Variants in PCDHGC3 observed in about 807,000 individuals in gnomAD.
The protein encoded by PCDHGC3 is protocadherin gamma subfamily C, 3.
In PCDHGC3, 26 loss-of-function variants were observed where a neutral mutation model predicts 59.2. The observed-to-expected ratio is 0.44, with a 90% confidence interval of 0.32 to 0.61. The LOEUF is 0.61. PCDHGC3 is among the 20% of genes least tolerant of loss of function. The pLI is 0.05. For synonymous variants in PCDHGC3, 487 were observed against 519.7 expected (o/e 0.94, Z 0.86); for missense variants, 1,080 against 1,221.8 (o/e 0.88, Z 1.73).
intron 2 of PCDHGC3, among the ~76,000 whole-genome samples, chr5:141,502,194 T>C (rs1470985683): frequency 2.6e-5 from 4 of 152,212 alleles, no homozygotes; most frequent in Non-Finnish European, 4.4e-5. Flanking sequence ...TACAATAATA[T>C]AGAATCCACC....
At position 141,486,121 on chromosome 5, in the gene PCDHGC3, T is replaced by C. The variant is rs371827617; in HGVS notation, c.2430+7575T>C. 5.6e-6 allele frequency: 9 copies of C among 1,614,086 alleles called. No individual in the cohort carries two copies. The highest frequency in any genetic ancestry group is 2.2e-5 in the South Asian group (2 of 91,082). ...TAGACTTTGAGAGTGAGAATTACTATGAATTTGATGTGCGGGCTCGCGATG... is the reference window on the plus strand; with the variant it reads ...TAGACTTTGAGAGTGAGAATTACTACGAATTTGATGTGCGGGCTCGCGATG... On this transcript the variant is annotated intron_variant, in intron 1 of 3. Coordinates refer to ENST00000308177, the MANE Select transcript of PCDHGC3 (RefSeq NM_002588.4). This position sits in a 1 kb window ranked among gnomAD's most constrained non-coding sequence, Gnocchi z 5.0.
chr5:141,506,266 T>A (rs1397052417), intron 3 of PCDHGC3, among the ~76,000 whole-genome samples: 1 of 151,862 alleles, frequency 6.6e-6, no homozygotes, highest in Non-Finnish European at 1.5e-5. Context: ...CTGGCCAACA[T>A]AGTGAAACCC....
rs2099609528 is a variant in PCDHGC3 at position 141,485,211 on chromosome 5, G to A, written c.2430+6665G>A. 6.2e-7 allele frequency: 1 copy of A among 1,614,126 alleles called. No individual in the cohort carries two copies. The highest frequency in any genetic ancestry group is 8.5e-7 in the Non-Finnish European group (1 of 1,179,980). Reference sequence around the variant, plus strand: ...GTGAGAAGCTGGACAGAAATCTGGCGGTGGGCTACCCTTTTGTTCCTCTTT... The same window carrying A: ...GTGAGAAGCTGGACAGAAATCTGGCAGTGGGCTACCCTTTTGTTCCTCTTT... On this transcript the variant is annotated intron_variant, in intron 1 of 3. Transcript: ENST00000308177. This position sits in a 1 kb window ranked among gnomAD's most constrained non-coding sequence, Gnocchi z 5.7.
intron 2 of PCDHGC3, among the ~76,000 whole-genome samples, chr5:141,502,537 G>A (rs900570745): frequency 2.0e-5 from 3 of 152,042 alleles, no homozygotes; most frequent in Admixed American, 6.6e-5. Context: ...GTTTGTTCGT[G>A]TGGTAAAAAC....
At chr5:141,508,718 G>T (rs2099871076) in intron 3 of PCDHGC3, among the ~76,000 whole-genome samples, 1 of 151,852 alleles carries the variant, frequency 6.6e-6, no homozygotes, top group Non-Finnish European at 1.5e-5. Flanking sequence ...TTTTCTGTGT[G>T]CAGGGAGACT....
intron 1 of PCDHGC3, among the ~76,000 whole-genome samples, chr5:141,481,478 T>C (rs2099538352): frequency 6.6e-6 from 1 of 152,232 alleles, no homozygotes; most frequent in African/African-American, 2.4e-5. Context: ...GATTATACAC[T>C]TTAAATATGT....
At chr5:141,482,530 CAAAAAAAAA>C (rs3074545) in intron 1 of PCDHGC3, among the ~76,000 whole-genome samples, 16 of 76,560 alleles carry the variant, frequency 2.1e-4, no homozygotes, top group African/African-American at 7.7e-4. Context: ...GACAGACATG[CAAAAAAAAA>C]AAAAAAAAAA....
Position 141,476,102 on chromosome 5 carries a change from C to G in PCDHGC3, c.-15C>G, listed in dbSNP as rs1488747783. The G allele has an allele frequency of 1.3e-6, 2 of 1,576,940 alleles. No homozygotes were observed. Among genetic ancestry groups the G allele is most frequent in the African/African-American group, 2.7e-5 (2 of 73,926 alleles). ...ACGATCTGGACCCCGCTGAGAGGAA[C>G]TGCTTTTGAGTGAGATGGTCCCAGA... On this transcript the variant is annotated 5_prime_UTR_variant, in exon 1 of 4. Transcript: ENST00000308177. The surrounding 1 kb of genome is among the most constrained non-coding windows in gnomAD (Gnocchi z 7.6).
chr5:141,490,549 C>T lies in PCDHGC3; in HGVS notation c.2431-4258C>T, dbSNP rs2099701539. ...TGCTGGTTCACCTTCCCTACACAAA[C>T]ATCTCACCATCAGGCTCAACATTTC... On this transcript the variant is annotated intron_variant, in intron 1 of 3. Transcript: ENST00000308177. The surrounding 1 kb of genome is among the most constrained non-coding windows in gnomAD (Gnocchi z 5.4). The T allele has an allele frequency of 1.9e-6, 3 of 1,614,178 alleles. No homozygotes were observed. The highest frequency in any genetic ancestry group is 1.7e-6 in the Non-Finnish European group (2 of 1,180,024).
rs1460626002 is a variant in PCDHGC3, at chr5:141,486,935, C to A, written c.2431-7872C>A. ...ACTGCCTCCATCAGTTGGTGCTGGC[C>A]ACCTAATCACAAAGGTGACTGCTGT... On this transcript the variant is annotated intron_variant, in intron 1 of 3. Transcript: ENST00000308177. This position sits in a 1 kb window ranked among gnomAD's most constrained non-coding sequence, Gnocchi z 5.0. 5 of 1,614,228 alleles carry A rather than the reference C, an allele frequency of 3.1e-6. No individual in the cohort carries two copies. The highest frequency in any genetic ancestry group is 4.2e-6 in the Non-Finnish European group (5 of 1,180,038).
At chr5:141,495,558 A>G (rs2099762084) in intron 2 of PCDHGC3, among the ~76,000 whole-genome samples, 1 of 151,662 alleles carries the variant, frequency 6.6e-6, no homozygotes, top group Admixed American at 6.6e-5. Flanking sequence ...TCGCTTTGCA[A>G]TCTCTGCCTC....
intron 1 of PCDHGC3, among the ~76,000 whole-genome samples, chr5:141,492,167 C>T (rs565536989): frequency 6.6e-6 from 1 of 152,344 alleles, no homozygotes; most frequent in East Asian, 1.9e-4. Context: ...CCTATCCCCG[C>T]ATCACCCAAC....
intron 1 of PCDHGC3, 62 bp downstream of exon 1, chr5:141,478,608 G>C (rs751033009): frequency 7.7e-6 from 12 of 1,558,942 alleles, no homozygotes; most frequent in Middle Eastern, 1.7e-4. Context: ...ATCATATTGA[G>C]GAAGGAATGG....
rs1358954122 is a variant in PCDHGC3, at chr5:141,491,553, C to T, written c.2431-3254C>T. On this transcript the variant is annotated intron_variant, in intron 1 of 3. Coordinates refer to ENST00000308177, the MANE Select transcript of PCDHGC3 (RefSeq NM_002588.4). This position sits in a 1 kb window ranked among gnomAD's most constrained non-coding sequence, Gnocchi z 6.9. ...CGCTGCGGCCCACAGACTCGCAGAG[C>T]CACTGCTACAGGACGTGCTTTTCAC... The T allele has an allele frequency of 6.2e-7, 1 of 1,613,954 alleles. No homozygotes were observed.
chr5:141,511,182 C>A lies in PCDHGC3; in HGVS notation c.*9C>A. ...AGAAGGAGAAGAAGTAACATGGAGG[C>A]CAGGCCAAGAGCCACAGGGCGGCCT... is the stretch of plus-strand genomic sequence containing the variant. On this transcript the variant is annotated 3_prime_UTR_variant, in exon 4 of 4. Transcript: ENST00000308177. 6.2e-7 allele frequency: 1 copy of A among 1,614,022 alleles called. No homozygotes were observed. Among genetic ancestry groups the A allele is most frequent in the Non-Finnish European group, 8.5e-7 (1 of 1,179,946 alleles).
intron 3 of PCDHGC3, among the ~76,000 whole-genome samples, chr5:141,509,381 C>T (rs181928019): frequency 6.6e-6 from 1 of 152,256 alleles, no homozygotes; most frequent in East Asian, 1.9e-4. Flanking sequence ...TGTCTCCTAA[C>T]CACAGAGGAT....
At chr5:141,484,399 CCGCTGTGTCT>C (rs1488164183) in intron 1 of PCDHGC3, among the ~76,000 whole-genome samples, 4 of 152,186 alleles carry the variant, frequency 2.6e-5, no homozygotes, top group Non-Finnish European at 4.4e-5. Context: ...GGTTTGGTTT[CCGCTGTGTCT>C]CCTGTTACAA....
chr5:141,494,705 G>C, intron 1 of PCDHGC3, 102 bp from the exon 2 acceptor site: 1 of 1,597,990 alleles, frequency 6.3e-7, no homozygotes, highest in Non-Finnish European at 8.6e-7. Flanking sequence ...TTTCTTCTCT[G>C]TGCCCACTCC....
chr5:141,500,394 A>G (rs1024641290), intron 2 of PCDHGC3, among the ~76,000 whole-genome samples: 1 of 151,922 alleles, frequency 6.6e-6, no homozygotes, highest in Non-Finnish European at 1.5e-5. Flanking sequence ...TATTTTTAGT[A>G]GAGACGGGGT....
Sources: allele counts gnomAD v4.1 joint callset (sites outside exome capture counted in the v4.1 genomes callset), GRCh38; gene constraint gnomAD v4.1.1; non-coding constraint Gnocchi (gnomAD v3.1); transcripts MANE v1.5; gene names NCBI Gene and HGNC (gene_info 2026-07-23, HGNC 2026-07-21).